The following MDFI variants were observed in gnomAD, a reference collection of about 807,000 sequenced individuals.
The protein encoded by MDFI is MyoD family inhibitor.
In MDFI, 16 loss-of-function variants were observed where a neutral mutation model predicts 22.3. The observed-to-expected ratio is 0.72, with a 90% CI of 0.49 to 1.09. The LOEUF is 1.09. Among genes scored for constraint, MDFI ranks in the 50% least tolerant of loss-of-function variants. The pLI is 0.00. For missense variants in MDFI, 314 were observed against 326.1 expected (o/e 0.96, Z 0.29); for synonymous variants, 145 against 142.7 (o/e 1.02, Z -0.12).
At chr6:41,650,651 G>A (rs1323194950) in intron 4 of MDFI, among the ~76,000 whole-genome samples, 1 of 142,566 alleles carries the variant, frequency 7.0e-6, no homozygotes, top group Admixed American at 7.6e-5. Context: ...TTGGCTCACT[G>A]CAACCTCCTT....
chr6:41,646,616 C>A (rs552936504), intron 3 of MDFI, among the ~76,000 whole-genome samples: 15 of 152,116 alleles, frequency 9.9e-5, no homozygotes, highest in Admixed American at 6.5e-4. Flanking sequence ...GGCTGGGGTC[C>A]GGCAGGGAGC....
Position 41,638,748 on chromosome 6 carries a change from C to T in MDFI, c.-2C>T. 1.3e-6 allele frequency: 2 copies of T among 1,566,194 alleles called. No homozygotes were observed. Among genetic ancestry groups the T allele is most frequent in the Non-Finnish European group, 1.7e-6 (2 of 1,161,398 alleles). ...GCCCTGTTTTCCGCAGGTCCGGGGC[C>T]GATGTACCAGGTGAGCGGCCAGCGC... is the stretch of plus-strand genomic sequence containing the variant. On this transcript the variant is annotated 5_prime_UTR_variant, in exon 2 of 5. Coordinates refer to ENST00000230321, the MANE Select transcript of MDFI (RefSeq NM_005586.4). This position sits in a 1 kb window ranked among gnomAD's most constrained non-coding sequence, Gnocchi z 7.6.
intron 2 of MDFI, chr6:41,639,132 G>A: frequency 1.5e-6 from 1 of 680,278 alleles, no homozygotes; most frequent in Non-Finnish European, 1.8e-6. Context: ...GTGTCTGTCC[G>A]TCTGGGATTT....
In MDFI at chr6:41,638,492, G is replaced by A; in HGVS notation, c.-172G>A. The A allele has an allele frequency of 1.9e-6, 1 of 517,756 alleles. No individual in the cohort carries two copies. The highest frequency in any genetic ancestry group is 2.1e-5 in the African/African-American group (1 of 48,588). The allele number at this position is 517,756 out of a possible 1,614,324, so 32.1% of individuals were successfully genotyped here. A position where few individuals can be genotyped will look rare whatever the true frequency, so the allele number is the denominator to read the frequency against. On this transcript the variant is annotated 5_prime_UTR_variant, in exon 1 of 5. Coordinates refer to ENST00000230321, the MANE Select transcript of MDFI (RefSeq NM_005586.4). The surrounding 1 kb of genome is among the most constrained non-coding windows in gnomAD (Gnocchi z 7.6). ...AAGAAGGAAGGGGCGAACGGCGTGA[G>A]CTGGCGCCGAAATGGGAGAAAGCAG...
intron 2 of MDFI, among the ~76,000 whole-genome samples, chr6:41,641,603 G>T (rs747944694): frequency 7.9e-5 from 12 of 152,302 alleles, no homozygotes; most frequent in Non-Finnish European, 1.5e-4. Flanking sequence ...TGAGGTGTGG[G>T]GTTCCAGCCA....
At chr6:41,648,438 T>C (rs1768138044) in intron 3 of MDFI, among the ~76,000 whole-genome samples, 1 of 152,206 alleles carries the variant, frequency 6.6e-6, no homozygotes, top group South Asian at 2.1e-4. Flanking sequence ...TGCAATGTTG[T>C]GACTGCTGCC....
intron 4 of MDFI, among the ~76,000 whole-genome samples, chr6:41,652,096 C>T (rs374337677): frequency 2.6e-5 from 4 of 152,246 alleles, no homozygotes; most frequent in Admixed American, 6.5e-5. Flanking sequence ...CAGGTAGGGC[C>T]GGGCAGGGAG....
chr6:41,653,207 A>G lies in MDFI; in HGVS notation c.485-112A>G, dbSNP rs1034416786. 1 of 1,094,958 alleles carries G rather than the reference A, an allele frequency of 9.1e-7. No individual in the cohort carries two copies. Among genetic ancestry groups the G allele is most frequent in the Admixed American group, 1.8e-5 (1 of 54,802 alleles). The allele number at this position is 1,094,958 out of a possible 1,614,324, so 67.8% of individuals were successfully genotyped here. ...CGTGAGCTTCAGGCACACAGTGAACACTCAGCGTCCCTGCTGCTGCCGCTG... is the reference window on the plus strand; with the variant it reads ...CGTGAGCTTCAGGCACACAGTGAACGCTCAGCGTCCCTGCTGCTGCCGCTG... On this transcript the variant is annotated intron_variant, in intron 4 of 4. Coordinates refer to ENST00000230321, the MANE Select transcript of MDFI (RefSeq NM_005586.4). This position sits in a 1 kb window ranked among gnomAD's most constrained non-coding sequence, Gnocchi z 4.2.
At chr6:41,650,316 C>T (rs1359449622) in intron 4 of MDFI, among the ~76,000 whole-genome samples, 1 of 152,198 alleles carries the variant, frequency 6.6e-6, no homozygotes, top group Non-Finnish European at 1.5e-5. Context: ...AGACACCCAA[C>T]CAGCCGATGT....
intron 4 of MDFI, among the ~76,000 whole-genome samples, chr6:41,650,695 T>G (rs1389751713): frequency 6.7e-6 from 1 of 150,254 alleles, no homozygotes; most frequent in Non-Finnish European, 1.5e-5. Context: ...TGTCTCAGCC[T>G]CCTGAGTAGC....
At chr6:41,648,428 T>C (rs1038725455) in intron 3 of MDFI, among the ~76,000 whole-genome samples, 4 of 152,184 alleles carry the variant, frequency 2.6e-5, no homozygotes, top group African/African-American at 4.8e-5. Context: ...GCAGGCAGTG[T>C]GCAATGTTGT....
At chr6:41,643,622 G>A (rs75730619) in intron 2 of MDFI, among the ~76,000 whole-genome samples, 9 of 148,930 alleles carry the variant, frequency 6.0e-5, no homozygotes, top group East Asian at 5.9e-4. Flanking sequence ...AGGAAGGAAG[G>A]GGAAAGGTCA....
chr6:41,652,806 T>C (rs1339097423), intron 4 of MDFI, among the ~76,000 whole-genome samples: 1 of 151,920 alleles, frequency 6.6e-6, no homozygotes, highest in African/African-American at 2.4e-5. Context: ...TTAATAGAGA[T>C]GGGATTTCGC....
At chr6:41,646,937 C>T (rs1038641869) in intron 3 of MDFI, among the ~76,000 whole-genome samples, 1 of 152,230 alleles carries the variant, frequency 6.6e-6, no homozygotes, top group Non-Finnish European at 1.5e-5. Context: ...AGCAGGATGG[C>T]TACTGCGAAG....
At chr6:41,652,489 G>T (rs1048223283) in intron 4 of MDFI, among the ~76,000 whole-genome samples, 8 of 152,226 alleles carry the variant, frequency 5.3e-5, no homozygotes, top group African/African-American at 1.9e-4. Flanking sequence ...GCGGTGTGGA[G>T]TGGAGATGCC....
At chr6:41,640,653 A>G (rs1286970231) in intron 2 of MDFI, among the ~76,000 whole-genome samples, 1 of 152,220 alleles carries the variant, frequency 6.6e-6, no homozygotes, top group Non-Finnish European at 1.5e-5. Flanking sequence ...ACAGAACAGC[A>G]AGGCCACAGC....
rs368444743 is a variant in MDFI at position 41,653,978 on chromosome 6, C to T, written c.*403C>T. 1.8e-3 allele frequency: 448 copies of T among 255,112 alleles called. 2 individuals are homozygous for T. The highest frequency in any genetic ancestry group is 8.7e-3 in the African/African-American group (397 of 45,790). 15.8% of individuals were successfully genotyped at this position (255,112 alleles called of 1,614,324 possible). ...TCTCTACCTCTCCCTGCTCCTGGTG[C>T]CTGCCTCTCTCCTCCACCCCAGGCT... On this transcript the variant is annotated 3_prime_UTR_variant, in exon 5 of 5. Transcript: ENST00000230321. This position sits in a 1 kb window ranked among gnomAD's most constrained non-coding sequence, Gnocchi z 4.2.
intron 2 of MDFI, among the ~76,000 whole-genome samples, chr6:41,645,284 C>CT (rs1157675809): frequency 2.6e-5 from 4 of 152,098 alleles, no homozygotes; most frequent in Admixed American, 6.5e-5. Context: ...TCCCCCATCC[C>CT]TTTTCCCCCT....
intron 2 of MDFI, chr6:41,639,448 C>T: frequency 1.0e-6 from 1 of 985,438 alleles, no homozygotes; most frequent in African/African-American, 1.7e-5. Flanking sequence ...CCGCGCCTGG[C>T]GCCGTCTGTA....
Sources: gnomAD v4.1 joint callset for allele counts (sites outside exome capture counted in the v4.1 genomes callset) on GRCh38, gnomAD v4.1.1 for gene constraint, Gnocchi (gnomAD v3.1) non-coding constraint, MANE v1.5 for transcripts, NCBI Gene and HGNC (gene_info 2026-07-23, HGNC 2026-07-21) for gene names.